SLC4A10: variants seen among roughly 807,000 people sequenced by gnomAD.
The protein encoded by SLC4A10 is sodium-driven chloride bicarbonate exchanger.
A neutral mutation model predicts 137.7 loss-of-function variants in SLC4A10; 42 were observed. The observed-to-expected ratio is 0.30, with a 90% CI of 0.24 to 0.39. The LOEUF (loss-of-function observed/expected upper bound fraction) is 0.39. Among genes scored for constraint, SLC4A10 ranks in the 10% least tolerant of loss-of-function variants. The probability of loss-of-function intolerance (pLI) is 1.00; values close to 1 mark genes in which losing one functional copy is unlikely to be tolerated. For synonymous variants in SLC4A10, 474 were observed against 464.1 expected (o/e 1.02, Z -0.27); for missense variants, 925 against 1,355.0 (o/e 0.68, Z 4.98).
At position 161,722,855 on chromosome 2, in the gene SLC4A10, G is replaced by A. The variant is rs185283021; in HGVS notation, c.49-48118G>A. Among the ~76,000 whole-genome samples the A allele has an allele frequency of 1.6e-3, 243 of 152,280 alleles. 2 individuals carry two copies. In the South Asian group the frequency reaches 0.02, roughly 12 times the overall value. ...TCCCAGGGAGATCAGATTTCTCTCT[G>A]TAAACGCCTGGATGGAGTTGCTGAA... On this transcript the variant is annotated intron_variant, in intron 1 of 26. Coordinates refer to ENST00000446997, the MANE Select transcript of SLC4A10 (RefSeq NM_001178015.2).
At chr2:161,686,241 A>G (rs2041390347) in intron 1 of SLC4A10, among the ~76,000 whole-genome samples, 1 of 152,246 alleles carries the variant, frequency 6.6e-6, no homozygotes, top group Non-Finnish European at 1.5e-5. Context: ...AGGGATATGA[A>G]AGATGAAGTT....
intron 1 of SLC4A10, among the ~76,000 whole-genome samples, chr2:161,728,947 C>T (rs936798791): frequency 6.6e-6 from 1 of 151,830 alleles, no homozygotes; most frequent in Admixed American, 6.6e-5. Context: ...ATAAGCAAAA[C>T]CATATGATCA....
intron 10 of SLC4A10, among the ~76,000 whole-genome samples, chr2:161,893,789 TAATA>T (rs1219841964): frequency 1.3e-5 from 2 of 151,898 alleles, no homozygotes; most frequent in Non-Finnish European, 2.9e-5. Context: ...TTATACAGTA[TAATA>T]AATATATAGC....
intron 4 of SLC4A10, among the ~76,000 whole-genome samples, chr2:161,849,979 C>T (rs935841542): frequency 6.6e-6 from 1 of 151,958 alleles, no homozygotes; most frequent in African/African-American, 2.4e-5. Context: ...CTTCTTTACA[C>T]ATCTGGTAGA....
chr2:161,632,923 A>G (rs894807656), intron 1 of SLC4A10, among the ~76,000 whole-genome samples: 1 of 151,730 alleles, frequency 6.6e-6, no homozygotes, highest in Non-Finnish European at 1.5e-5. Context: ...ACAATAAATC[A>G]TAATGGGCTA....
chr2:161,856,690 T>TAAAA (rs1387575626), intron 5 of SLC4A10, among the ~76,000 whole-genome samples: 1 of 152,084 alleles, frequency 6.6e-6, no homozygotes, highest in African/African-American at 2.4e-5. Context: ...CCAATAAACA[T>TAAAA]TTTTATATTT....
At chr2:161,885,145 T>C (rs190195380) in intron 10 of SLC4A10, among the ~76,000 whole-genome samples, 180 of 152,060 alleles carry the variant, frequency 1.2e-3, no homozygotes, top group Admixed American at 2.7e-3. Context: ...ATCACTGCAC[T>C]CCAGCCTGGG....
intron 16 of SLC4A10, among the ~76,000 whole-genome samples, chr2:161,946,774 C>T (rs1027380644): frequency 6.6e-6 from 1 of 151,994 alleles, no homozygotes. Flanking sequence ...TCTTACAGAA[C>T]TACAGTTGCA....
chr2:161,785,748 A>G (rs965695381), intron 2 of SLC4A10, among the ~76,000 whole-genome samples: 2 of 151,970 alleles, frequency 1.3e-5, no homozygotes, highest in Non-Finnish European at 2.9e-5. Context: ...CAATGATGAA[A>G]AGTTGAAAGC....
intron 3 of SLC4A10, among the ~76,000 whole-genome samples, chr2:161,824,766 T>A (rs2057901540): frequency 6.6e-6 from 1 of 152,110 alleles, no homozygotes; most frequent in African/African-American, 2.4e-5. Context: ...AAATAAATGG[T>A]GGAAGAAGGA....
intron 15 of SLC4A10, among the ~76,000 whole-genome samples, chr2:161,934,872 C>T (rs981243676): frequency 3.3e-5 from 5 of 151,618 alleles, no homozygotes; most frequent in Non-Finnish European, 7.4e-5. Flanking sequence ...AATATTTTAT[C>T]TCATTCCATA....
chr2:161,709,123 A>G (rs776690587), intron 1 of SLC4A10, among the ~76,000 whole-genome samples: 1 of 151,390 alleles, frequency 6.6e-6, no homozygotes, highest in Admixed American at 6.6e-5. Context: ...GGTTTGGGGC[A>G]CTTCAGATTT....
At chr2:161,945,997 A>C (rs559440468) in intron 16 of SLC4A10, among the ~76,000 whole-genome samples, 12 of 152,020 alleles carry the variant, frequency 7.9e-5, no homozygotes, top group Non-Finnish European at 1.5e-4. Flanking sequence ...ATATTGCTTA[A>C]TAATTGCTCT....
chr2:161,800,515 T>C (rs898295068), intron 2 of SLC4A10, among the ~76,000 whole-genome samples: 1 of 151,972 alleles, frequency 6.6e-6, no homozygotes. Flanking sequence ...ATGCATAAAA[T>C]TGAGATTATG....
chr2:161,693,855 C>G (rs2042236779), intron 1 of SLC4A10, among the ~76,000 whole-genome samples: 1 of 151,760 alleles, frequency 6.6e-6, no homozygotes, highest in Non-Finnish European at 1.5e-5. Flanking sequence ...ACCACATTTT[C>G]TCTATCCATT....
chr2:161,822,291 A>G (rs1047645625), intron 3 of SLC4A10, among the ~76,000 whole-genome samples: 1 of 152,212 alleles, frequency 6.6e-6, no homozygotes, highest in Non-Finnish European at 1.5e-5. Flanking sequence ...AACAGTGATG[A>G]GAGAAAATGT....
At chr2:161,702,494 A>G (rs1450741300) in intron 1 of SLC4A10, among the ~76,000 whole-genome samples, 2 of 151,776 alleles carry the variant, frequency 1.3e-5, no homozygotes, top group Non-Finnish European at 2.9e-5. Context: ...TTGTCTTTAC[A>G]CATGGTATTT....
chr2:161,717,229 C>A (rs911288681), intron 1 of SLC4A10, among the ~76,000 whole-genome samples: 5 of 152,066 alleles, frequency 3.3e-5, no homozygotes, highest in Admixed American at 2.0e-4. Flanking sequence ...GGTATGGGAT[C>A]ATGTCATGGG....
chr2:161,642,380 G>T (rs1362739037), intron 1 of SLC4A10, among the ~76,000 whole-genome samples: 1 of 151,748 alleles, frequency 6.6e-6, no homozygotes, highest in Non-Finnish European at 1.5e-5. Flanking sequence ...GAATGGGAAT[G>T]GAAAGACTTC....
Sources: gnomAD v4.1 joint callset for allele counts (sites outside exome capture counted in the v4.1 genomes callset) on GRCh38, gnomAD v4.1.1 for gene constraint, MANE v1.5 for transcripts, NCBI Gene and HGNC (gene_info 2026-07-23, HGNC 2026-07-21) for gene names.